Variants in WRAP53 observed in about 807,000 individuals in gnomAD.
WRAP53 encodes WD repeat containing antisense to TP53.
Under a neutral mutation model 56.6 loss-of-function variants are expected in WRAP53, and 28 were observed. The observed-to-expected ratio is 0.50, with a 90% CI of 0.37 to 0.68. The LOEUF (loss-of-function observed/expected upper bound fraction) is 0.68, where lower values mean the gene tolerates loss of function less well. WRAP53 is among the 30% of genes least tolerant of loss of function. The pLI is 0.00. For synonymous variants in WRAP53, 283 were observed against 283.4 expected, an observed-to-expected ratio of 1.00 and a Z score of 0.01; for missense variants, 671 against 715.5, an observed-to-expected ratio of 0.94 and a Z score of 0.71.
chr17:7,694,033 G>A (rs1356008083), intron 4 of WRAP53, among the ~76,000 whole-genome samples: 5 of 151,574 alleles, frequency 3.3e-5, no homozygotes, highest in Admixed American at 6.6e-5. Flanking sequence ...CTGTAATCCC[G>A]ACACTTTGGG....
At chr17:7,687,063 C>G (rs2074008525), upstream of WRAP53, 1 of 366,950 alleles carries the variant, frequency 2.7e-6, no homozygotes, top group Admixed American at 4.6e-5. Flanking sequence ...GGATTCCCTA[C>G]GCCCAGCACC....
intron 4 of WRAP53, among the ~76,000 whole-genome samples, chr17:7,694,720 T>G (rs1597411346): frequency 6.6e-6 from 1 of 152,068 alleles, no homozygotes; most frequent in African/African-American, 2.4e-5. Flanking sequence ...CCCAGCTACT[T>G]GGGAGGCTGA....
chr17:7,703,336 C>T lies in WRAP53; in HGVS notation c.1497C>T (p.Gly499=). The T allele has an allele frequency of 1.2e-6, 2 of 1,613,910 alleles. No individual in the cohort carries two copies. Among genetic ancestry groups the T allele is most frequent in the Non-Finnish European group, 1.7e-6 (2 of 1,179,972 alleles). The stretch of plus-strand genomic sequence containing the variant: ...GTGGGGACGAAGGAGAGGAGCTGGG[C>T]CTTCCCTTGCTCTCCACGCGCCACG... The part of the protein sequence containing the change: ...TESGDEGEEL[G]LPLLSTRHVH... Residue 499 remains glycine, a synonymous_variant, in exon 11 of 11, where the codon GGC becomes GGT. Transcript: ENST00000396463.
intron 4 of WRAP53, among the ~76,000 whole-genome samples, chr17:7,699,502 T>TATATATATATATATATA (rs1567577549): frequency 8.5e-5 from 1 of 11,760 alleles, no homozygotes; most frequent in Non-Finnish European, 1.3e-4. Flanking sequence ...ATATATATAT[T>TATATATATATATATATA]TATATATATA....
chr17:7,699,484 A>ATATATATATT (rs2074237206), intron 4 of WRAP53, among the ~76,000 whole-genome samples: 1 of 15,988 alleles, frequency 6.3e-5, no homozygotes, highest in African/African-American at 3.3e-4. Context: ...ATTTATATAT[A>ATATATATATT]TATATATATA....
chr17:7,701,776 C>T lies in WRAP53; in HGVS notation c.942C>T (p.Val314=), dbSNP rs1274756257. ...CCCGGCCTGGCCGAGACTGCGAGGT[C>T]CGAGCCACATTTGGTAAGCATCTGT... ...STARPGRDCE[V]RATFAKKQGQ... The change falls in exon 7 of 11, where the codon GTC becomes GTT. Residue 314 remains valine, a synonymous_variant. Transcript: ENST00000396463. This position sits in a 1 kb window ranked among gnomAD's most constrained non-coding sequence, Gnocchi z 4.2. 9.3e-6 allele frequency: 15 copies of T among 1,613,756 alleles called. No homozygotes were observed. Among genetic ancestry groups the T allele is most frequent in the Non-Finnish European group, 1.3e-5 (15 of 1,179,966 alleles).
At position 7,702,610 on chromosome 17, in the gene WRAP53, G is replaced by T; in HGVS notation, c.1164+58G>T. The T allele has an allele frequency of 6.3e-7, 1 of 1,595,452 alleles. No homozygotes were observed. Among genetic ancestry groups the T allele is most frequent in the Admixed American group, 1.7e-5 (1 of 58,910 alleles). ...TGGGCAGCGGGGCAGGAGCAGGGAT[G>T]TAGTCTGCAGTGTAGGGGAATGGGT... On this transcript the variant is annotated intron_variant, in intron 8 of 10. Coordinates refer to ENST00000396463, the MANE Select transcript of WRAP53 (RefSeq NM_001143992.2). This position sits in a 1 kb window ranked among gnomAD's most constrained non-coding sequence, Gnocchi z 5.0.
At position 7,701,672 on chromosome 17, in the gene WRAP53, G is replaced by A. The variant is rs968150359; in HGVS notation, c.838G>A (p.Ala280Thr). 1.2e-5 allele frequency: 20 copies of A among 1,614,140 alleles called. No homozygotes were observed. The highest frequency in any genetic ancestry group is 1.7e-5 in the Non-Finnish European group (20 of 1,180,058). ...AYNHLDELTA[A>T]HSLCFSPDGS... ...CTTCCCCCAGGATGAGCTGACGGCAGCCCATTCGCTCTGCTTCTCCCCGGA... is the reference window on the plus strand; with the variant it reads ...CTTCCCCCAGGATGAGCTGACGGCAACCCATTCGCTCTGCTTCTCCCCGGA... Residue 280 changes from alanine (A) to threonine (T), a missense_variant, in exon 7 of 11, where the codon GCC (alanine) becomes ACC (threonine). By Grantham distance (58) the Ala-to-Thr change is moderately conservative. Coordinates refer to ENST00000396463, the MANE Select transcript of WRAP53 (RefSeq NM_001143992.2). This position sits in a 1 kb window ranked among gnomAD's most constrained non-coding sequence, Gnocchi z 4.2.
chr17:7,699,458 TTATATATATATATATA>T (rs1165734343), intron 4 of WRAP53, among the ~76,000 whole-genome samples: 1,482 of 39,872 alleles, frequency 0.037, 129 homozygotes, highest in Middle Eastern at 0.044. Context: ...ATATATATAT[TTATATATATATATATA>T]TTTATATATA....
intron 4 of WRAP53, among the ~76,000 whole-genome samples, chr17:7,699,615 GT>G (rs1396294125): frequency 1.4e-5 from 2 of 141,844 alleles, no homozygotes; most frequent in Non-Finnish European, 3.1e-5. Context: ...TAGGAAAGGG[GT>G]TTAAACATAT....
intron 4 of WRAP53, among the ~76,000 whole-genome samples, chr17:7,699,504 A>ATATATT (rs2074241830): frequency 1.1e-4 from 2 of 18,086 alleles, no homozygotes; most frequent in Non-Finnish European, 1.8e-4. Context: ...ATATATATTT[A>ATATATT]TATATATATA....
intron 4 of WRAP53, among the ~76,000 whole-genome samples, chr17:7,699,511 T>C (rs1306360823): frequency 3.8e-5 from 1 of 26,194 alleles, no homozygotes; most frequent in Admixed American, 5.7e-4. Flanking sequence ...TTTATATATA[T>C]ATATATATAT....
At chr17:7,699,522 T>TTTATATATATA (rs1429418083) in intron 4 of WRAP53, among the ~76,000 whole-genome samples, 1 of 14,110 alleles carries the variant, frequency 7.1e-5, no homozygotes, top group Non-Finnish European at 1.2e-4. Context: ...ATATATATAT[T>TTTATATATATA]TATATATATA....
rs899021678 is a variant in WRAP53, at chr17:7,688,842, A to G, written c.194A>G (p.Gln65Arg). ...PDPVAGSAVS[Q>R]ELREGDPVSL... Reference sequence around the variant, plus strand: ...CCTGTGGCTGGCTCAGCTGTGTCCCAGGAGCTACGGGAGGGGGACCCAGTT... The same window carrying G: ...CCTGTGGCTGGCTCAGCTGTGTCCCGGGAGCTACGGGAGGGGGACCCAGTT... The change falls in exon 2 of 11, where the codon CAG becomes CGG. Residue 65 changes from glutamine to arginine, a missense_variant. Gln to Arg is a conservative substitution (Grantham distance 43). Transcript: ENST00000396463. The G allele has an allele frequency of 6.2e-7, 1 of 1,614,158 alleles. No homozygotes were observed. The highest frequency in any genetic ancestry group is 1.3e-5 in the African/African-American group (1 of 75,036).
At chr17:7,691,068 G>A (rs2074100969) in intron 4 of WRAP53, among the ~76,000 whole-genome samples, 1 of 151,978 alleles carries the variant, frequency 6.6e-6, no homozygotes, top group South Asian at 2.1e-4. Context: ...AATTAGCTGG[G>A]TGTGATGGTG....
intron 4 of WRAP53, among the ~76,000 whole-genome samples, chr17:7,692,976 C>T (rs1027649745): frequency 3.3e-5 from 5 of 151,390 alleles, no homozygotes; most frequent in Middle Eastern, 3.2e-3. Context: ...CTCCTGACCT[C>T]GTGATCCTCC....
Position 7,689,614 on chromosome 17 carries a change from G to T in WRAP53, c.555G>T (p.Leu185Phe). The change falls in exon 4 of 11, where the codon TTG becomes TTT. Residue 185 changes from leucine (L) to phenylalanine (F), a missense_variant. By Grantham distance (22) the Leu-to-Phe change is conservative. This residue lies in a region of WRAP53 where 406 missense variants were observed against 418.5 expected (regional missense o/e 0.97). Transcript: ENST00000396463. ...GGGCTCCTGACGGTTCCTGCATCTTGACCAATAGTGCTGATAACATCTTGC... is the reference window on the plus strand; with the variant it reads ...GGGCTCCTGACGGTTCCTGCATCTTTACCAATAGTGCTGATAACATCTTGC... ...CKWAPDGSCILTNSADNILRI... is the reference protein window; with the variant it reads ...CKWAPDGSCIFTNSADNILRI... The T allele has an allele frequency of 1.2e-6, 2 of 1,614,016 alleles. No individual in the cohort carries two copies. Among genetic ancestry groups the T allele is most frequent in the South Asian group, 2.2e-5 (2 of 91,032 alleles).
At chr17:7,688,193 C>A (rs1265692141), upstream of WRAP53, 1 of 182,644 alleles carries the variant, frequency 5.5e-6, no homozygotes. Flanking sequence ...CTGCAGGCGG[C>A]GGGGGGGCGG....
intron 4 of WRAP53, among the ~76,000 whole-genome samples, 169 bp downstream of exon 4, chr17:7,689,870 A>G (rs1305886774): frequency 6.6e-6 from 1 of 152,190 alleles, no homozygotes; most frequent in Non-Finnish European, 1.5e-5. Flanking sequence ...ATTTAGAGAG[A>G]GGTTTCCCCT....
Sources: allele counts gnomAD v4.1 joint callset (sites outside exome capture counted in the v4.1 genomes callset), GRCh38; gene constraint gnomAD v4.1.1; regional missense constraint gnomAD v4.1.1; non-coding constraint Gnocchi (gnomAD v3.1); transcripts MANE v1.5; gene names NCBI Gene and HGNC (gene_info 2026-07-23, HGNC 2026-07-21).